PDE3B: variants seen among roughly 807,000 people sequenced by gnomAD.
PDE3B encodes phosphodiesterase 3B, also known as cGMP-inhibited 3',5'-cyclic phosphodiesterase 3B.
A neutral mutation model predicts 116.8 loss-of-function variants in PDE3B; 66 were observed. The ratio of observed to expected loss-of-function variants is 0.56; its 90% CI spans 0.46 to 0.69. PDE3B has a LOEUF of 0.69. PDE3B is among the 30% of genes least tolerant of loss of function. The pLI is 0.00. For synonymous variants in PDE3B, 595 were observed against 533.6 expected (o/e 1.12, Z -1.59); for missense variants, 1,384 against 1,368.1 (o/e 1.01, Z -0.18).
At chr11:14,825,815 AAAC>A (rs570853344) in intron 7 of PDE3B, among the ~76,000 whole-genome samples, 171 of 152,328 alleles carry the variant, frequency 1.1e-3, no homozygotes, top group African/African-American at 4.1e-3. Context: ...CTCCACTCAA[AAAC>A]AACAGAATGT....
intron 9 of PDE3B, 149 bp downstream of exon 9, chr11:14,831,926 A>T (rs192733408): frequency 1.1e-4 from 57 of 503,092 alleles, no homozygotes; most frequent in African/African-American, 9.4e-4. Context: ...TATATACATA[A>T]AACAATTATA....
At chr11:14,724,318 G>A (rs1013279827) in intron 1 of PDE3B, among the ~76,000 whole-genome samples, 1 of 152,072 alleles carries the variant, frequency 6.6e-6, no homozygotes, top group Non-Finnish European at 1.5e-5. Flanking sequence ...AATAGGAAGG[G>A]GGACACATTT....
At chr11:14,688,585 A>G (rs959357729) in intron 1 of PDE3B, among the ~76,000 whole-genome samples, 1 of 152,096 alleles carries the variant, frequency 6.6e-6, no homozygotes, top group Non-Finnish European at 1.5e-5. Flanking sequence ...TGTTATTGAC[A>G]TTTAGTCTTG....
At chr11:14,792,827 G>A (rs1404228492) in intron 4 of PDE3B, among the ~76,000 whole-genome samples, 1 of 152,008 alleles carries the variant, frequency 6.6e-6, no homozygotes, top group Non-Finnish European at 1.5e-5. Flanking sequence ...TCCTTAGTTG[G>A]GCTCATAAAT....
At chr11:14,701,899 G>C (rs1441063906) in intron 1 of PDE3B, among the ~76,000 whole-genome samples, 2 of 151,168 alleles carry the variant, frequency 1.3e-5, no homozygotes, top group Admixed American at 1.3e-4. Flanking sequence ...CACAAGTTTT[G>C]TGATGCTGTG....
At chr11:14,669,393 C>T (rs1328359430) in intron 1 of PDE3B, among the ~76,000 whole-genome samples, 2 of 152,080 alleles carry the variant, frequency 1.3e-5, no homozygotes, top group East Asian at 1.9e-4. Context: ...CAAGAGTCTC[C>T]TGGGGCACTG....
chr11:14,866,580 G>A (rs914861946), intron 14 of PDE3B, among the ~76,000 whole-genome samples: 19 of 152,214 alleles, frequency 1.2e-4, no homozygotes, highest in African/African-American at 2.4e-4. Flanking sequence ...CAATAATCTC[G>A]TAAAAGATTT....
chr11:14,849,096 G>C (rs1033724483), intron 12 of PDE3B, among the ~76,000 whole-genome samples: 4 of 151,974 alleles, frequency 2.6e-5, no homozygotes, highest in African/African-American at 9.7e-5. Flanking sequence ...ATACTACAAG[G>C]CTACACTAAC....
intron 12 of PDE3B, among the ~76,000 whole-genome samples, chr11:14,855,860 G>C (rs1185405363): frequency 3.3e-5 from 5 of 152,202 alleles, no homozygotes; most frequent in Admixed American, 3.3e-4. Context: ...GAGATTCTCA[G>C]ATATGCAGTG....
chr11:14,841,402 A>T (rs1860220358), intron 11 of PDE3B, among the ~76,000 whole-genome samples: 2 of 148,248 alleles, frequency 1.3e-5, no homozygotes, highest in Admixed American at 1.4e-4. Flanking sequence ...TATATATATG[A>T]ATAACCCTCA....
chr11:14,880,554 G>C, the PDE3B span: 163 of 1,613,290 alleles, frequency 1.0e-4, no homozygotes, highest in Non-Finnish European at 1.2e-4. Flanking sequence ...CTCCAAAAAT[G>C]ATCAGATTGG....
intron 1 of PDE3B, among the ~76,000 whole-genome samples, chr11:14,735,727 A>G (rs947478672): frequency 1.3e-5 from 2 of 152,218 alleles, no homozygotes; most frequent in Admixed American, 1.3e-4. Flanking sequence ...GAGTGTTTTC[A>G]TCATCGAAAA....
At chr11:14,842,642 G>A (rs934457681) in intron 11 of PDE3B, among the ~76,000 whole-genome samples, 2 of 152,120 alleles carry the variant, frequency 1.3e-5, no homozygotes, top group African/African-American at 2.4e-5. Context: ...AGGTGGCTGA[G>A]GGCAGGTCAA....
intron 11 of PDE3B, among the ~76,000 whole-genome samples, 181 bp from the exon 12 acceptor site, chr11:14,843,646 C>T (rs1847521449): frequency 6.6e-6 from 1 of 152,096 alleles, no homozygotes; most frequent in Non-Finnish European, 1.5e-5. Context: ...TAACACTGTT[C>T]CTCTCTACTA....
At chr11:14,757,745 T>A (rs1364200307) in intron 1 of PDE3B, among the ~76,000 whole-genome samples, 5 of 148,942 alleles carry the variant, frequency 3.4e-5, no homozygotes, top group Admixed American at 1.3e-4. Flanking sequence ...TTCTCCCATT[T>A]TGTAGGGTGC....
intron 1 of PDE3B, among the ~76,000 whole-genome samples, chr11:14,711,712 T>G (rs893802469): frequency 6.6e-6 from 1 of 152,082 alleles, no homozygotes; most frequent in Non-Finnish European, 1.5e-5. Flanking sequence ...CCTCCAACAT[T>G]GGGGATTACA....
At chr11:14,849,551 A>C (rs1385872209) in intron 12 of PDE3B, among the ~76,000 whole-genome samples, 2 of 152,196 alleles carry the variant, frequency 1.3e-5, no homozygotes, top group Admixed American at 6.6e-5. Context: ...TGAACAGGCA[A>C]CCTACAAAAT....
intron 1 of PDE3B, among the ~76,000 whole-genome samples, chr11:14,721,882 A>G (rs554727570): frequency 3.5e-5 from 5 of 141,588 alleles, no homozygotes; most frequent in Non-Finnish European, 7.6e-5. Flanking sequence ...ATATGTAACT[A>G]ACCTGCGCAA....
chr11:14,749,471 GTCTT>G (rs1856998895), intron 1 of PDE3B, among the ~76,000 whole-genome samples: 1 of 152,046 alleles, frequency 6.6e-6, no homozygotes, highest in African/African-American at 2.4e-5. Context: ...CAGCTTCCTT[GTCTT>G]TCTTTTTGTT....
Sources: gnomAD v4.1 joint callset for allele counts (sites outside exome capture counted in the v4.1 genomes callset) on GRCh38, gnomAD v4.1.1 for gene constraint, MANE v1.5 for transcripts, NCBI Gene and HGNC (gene_info 2026-07-23, HGNC 2026-07-21) for gene names.